Variants in C2CD3 observed in about 807,000 individuals in gnomAD.
C2CD3 encodes C2 domain-containing protein 3.
Under a neutral mutation model 234.0 loss-of-function variants are expected in C2CD3, and 148 were observed. That is an observed-to-expected ratio of 0.63 (90% CI 0.55 to 0.72). The LOEUF is 0.72. C2CD3 is among the 30% of genes least tolerant of loss of function. The probability of loss-of-function intolerance (pLI) is 0.00; values close to 1 mark genes in which losing one functional copy is unlikely to be tolerated. For missense variants in C2CD3, 2,577 were observed against 2,811.5 expected, an observed-to-expected ratio of 0.92 and a Z score of 1.89; for synonymous variants, 1,000 against 1,035.4, an observed-to-expected ratio of 0.97 and a Z score of 0.66.
intron 18 of C2CD3, among the ~76,000 whole-genome samples, chr11:74,092,986 CCTACT>C (rs1249985422): frequency 2.0e-5 from 3 of 152,118 alleles, no homozygotes; most frequent in South Asian, 2.1e-4. Flanking sequence ...TCTGTCAGTA[CCTACT>C]CTATTTCCTT....
intron 7 of C2CD3, chr11:74,128,650 G>A (rs2135530639): frequency 1.3e-5 from 2 of 151,906 alleles, no homozygotes; most frequent in Middle Eastern, 6.8e-3. Context: ...AGATAAACAA[G>A]TGAACAAAGG....
intron 8 of C2CD3, among the ~76,000 whole-genome samples, chr11:74,121,217 T>G (rs1379063901): frequency 6.6e-6 from 1 of 152,202 alleles, no homozygotes; most frequent in African/African-American, 2.4e-5. Flanking sequence ...GAATTCCAGT[T>G]CTGCCACTTA....
At position 74,041,352 on chromosome 11, in the gene C2CD3, C is replaced by T. The variant is rs566468628; in HGVS notation, c.5660+702G>A. Among the ~76,000 whole-genome samples the T allele has an allele frequency of 9.2e-5, 14 of 152,292 alleles. No homozygotes were observed. In the East Asian group the frequency reaches 1.9e-3, roughly 21 times the overall value. ...AACTTGACTTGCCCCTGAGCCTTGG[C>T]GTAAGTTCTTTCTGCACAAAATGTC... On this transcript the variant is annotated intron_variant, in intron 29 of 32. Transcript: ENST00000334126.
intron 5 of C2CD3, among the ~76,000 whole-genome samples, chr11:74,133,850 C>A (rs1374800586): frequency 6.6e-6 from 1 of 152,200 alleles, no homozygotes; most frequent in Admixed American, 6.5e-5. Flanking sequence ...GCTCTTCCAA[C>A]TGGTGCTTGT....
At chr11:74,102,550 T>G (rs1956355398) in intron 14 of C2CD3, among the ~76,000 whole-genome samples, 1 of 152,186 alleles carries the variant, frequency 6.6e-6, no homozygotes, top group South Asian at 2.1e-4. Flanking sequence ...GTGCCAGCAA[T>G]AGAGTAAGAG....
chr11:74,140,818 AG>A (rs757307754), intron 3 of C2CD3, among the ~76,000 whole-genome samples: 1 of 152,216 alleles, frequency 6.6e-6, no homozygotes, highest in Admixed American at 6.5e-5. Flanking sequence ...GGAGATGAAG[AG>A]GGGTGAGGAG....
rs1455775263 is a variant in C2CD3, at chr11:74,161,504, A to C, written c.378T>G (p.Ile126Met). The change falls in exon 3 of 33, where the codon ATT becomes ATG. Residue 126 changes from isoleucine (I) to methionine (M), a missense_variant. Transcript: ENST00000334126. ...CTAGTCCATTGATCTGAACTCTACC[A>C]ATTGGAAGACCATCAAGTTTGGTGA... Reference protein sequence around the residue: ...EVITKLDGLPIGRVQINGLAQ... With the variant: ...EVITKLDGLPMGRVQINGLAQ... 6.3e-7 allele frequency: 1 copy of C among 1,596,258 alleles called. No individual in the cohort carries two copies. Among genetic ancestry groups the C allele is most frequent in the Admixed American group, 1.7e-5 (1 of 57,724 alleles).
chr11:74,069,522 ACT>A (rs1324406324), intron 24 of C2CD3, among the ~76,000 whole-genome samples: 1 of 152,202 alleles, frequency 6.6e-6, no homozygotes, highest in African/African-American at 2.4e-5. Context: ...CAGCTTGCAC[ACT>A]GTTTTCTTAC....
Position 74,114,399 on chromosome 11 carries a change from G to GTCAC in C2CD3, c.1711_1714dup (p.Thr572SerfsTer32). 1 of 1,613,514 alleles carries GTCAC rather than the reference G, an allele frequency of 6.2e-7. No individual in the cohort carries two copies. Among genetic ancestry groups the GTCAC allele is most frequent in the Non-Finnish European group, 8.5e-7 (1 of 1,179,638 alleles). ...AGAGACATACCGCTTTTTTGCTGTA[G>GTCAC]TCACCTTAGGTGGTGGACCAGCATA... On this transcript the variant is annotated frameshift_variant, in exon 10 of 33. Coordinates refer to ENST00000334126, the MANE Select transcript of C2CD3 (RefSeq NM_001286577.2). LOFTEE classifies it high-confidence loss of function.
intron 24 of C2CD3, among the ~76,000 whole-genome samples, chr11:74,067,961 TTG>T (rs1178151588): frequency 6.6e-6 from 1 of 152,156 alleles, no homozygotes; most frequent in African/African-American, 2.4e-5. Flanking sequence ...TGTAGAGACA[TTG>T]TGTTTTTTGA....
In C2CD3 at chr11:74,095,361, A is replaced by T. The variant is rs758580986; in HGVS notation, c.3027T>A (p.His1009Gln). The T allele has an allele frequency of 6.2e-7, 1 of 1,613,656 alleles. No homozygotes were observed. The highest frequency in any genetic ancestry group is 8.5e-7 in the Non-Finnish European group (1 of 1,179,798). ...GGGCTAGCCCTTTAACCATCTCTAT[A>T]TGGATCTCAAAGCAGTGCTCCATCA... ...NGLMEHCFEI[H>Q]IEMVKGLAPL... The change falls in exon 17 of 33, where the codon CAT becomes CAA. Residue 1009 changes from histidine to glutamine, a missense_variant. By Grantham distance (24) the His-to-Gln change is conservative (BLOSUM62 0). Coordinates refer to ENST00000334126, the MANE Select transcript of C2CD3 (RefSeq NM_001286577.2).
chr11:74,056,328 T>G (rs980502651), intron 25 of C2CD3, among the ~76,000 whole-genome samples: 1 of 152,218 alleles, frequency 6.6e-6, no homozygotes, highest in Non-Finnish European at 1.5e-5. Flanking sequence ...TTTAATAAAG[T>G]TTAATTCATG....
chr11:74,093,057 G>T (rs962555303), intron 18 of C2CD3, among the ~76,000 whole-genome samples: 2 of 152,232 alleles, frequency 1.3e-5, no homozygotes, highest in African/African-American at 4.8e-5. Flanking sequence ...AACCTAGGTG[G>T]TTTTAAAAAT....
intron 32 of C2CD3, among the ~76,000 whole-genome samples, chr11:74,027,599 C>G (rs1952356193): frequency 6.6e-6 from 1 of 152,148 alleles, no homozygotes; most frequent in African/African-American, 2.4e-5. Flanking sequence ...TCTCATCAGT[C>G]TATAAATATT....
chr11:74,117,056 A>ACG (rs1565313216), intron 9 of C2CD3, among the ~76,000 whole-genome samples: 8 of 71,112 alleles, frequency 1.1e-4, no homozygotes, highest in Non-Finnish European at 2.1e-4. Context: ...GTGTATATAT[A>ACG]TATGAATATA....
intron 31 of C2CD3, among the ~76,000 whole-genome samples, chr11:74,029,701 C>T (rs1952446151): frequency 6.6e-6 from 1 of 152,234 alleles, no homozygotes; most frequent in African/African-American, 2.4e-5. Context: ...CAGCCCATTG[C>T]CTCATGTGTG....
Position 74,138,761 on chromosome 11 carries a change from A to G in C2CD3, c.914T>C (p.Ile305Thr), listed in dbSNP as rs1448088730. 1 of 1,612,412 alleles carries G rather than the reference A, an allele frequency of 6.2e-7. No homozygotes were observed. The highest frequency in any genetic ancestry group is 1.1e-5 in the South Asian group (1 of 91,040). Residue 305 changes from isoleucine (I) to threonine (T), a missense_variant, in exon 5 of 33, where the codon ATT becomes ACT. By Grantham distance (89) the Ile-to-Thr change is moderately conservative. Transcript: ENST00000334126. ...TVAKSHSDSC[I>T]LSSNNLPTKD... is the part of the protein sequence containing the mutation. ...GGTAGGGAGGTTGTTTGAAGAAAGA[A>G]TGCATGAGTCACTGTGACTCTTGGC...
At chr11:74,130,052 G>GGGAGACCGTGGAAAGAGAGGGAGAC (rs1474508597) in intron 7 of C2CD3, 1 of 148,538 alleles carries the variant, frequency 6.7e-6, no homozygotes, top group African/African-American at 2.5e-5. Flanking sequence ...CGGCATCAGA[G>GGGAGACCGTGGAAAGAGAGGGAGAC]GGAGACCGTG....
intron 9 of C2CD3, among the ~76,000 whole-genome samples, chr11:74,117,170 G>A (rs1189821948): frequency 2.3e-4 from 8 of 35,142 alleles, no homozygotes; most frequent in South Asian, 7.9e-4. Flanking sequence ...ATATATATAT[G>A]AATATATATA....
Sources: allele counts gnomAD v4.1 joint callset (sites outside exome capture counted in the v4.1 genomes callset), GRCh38; gene constraint gnomAD v4.1.1; transcripts MANE v1.5; gene names NCBI Gene and HGNC (gene_info 2026-07-23, HGNC 2026-07-21).